Variants in GAB4 observed in about 807,000 individuals in gnomAD.
GAB4 encodes GRB2-associated-binding protein 4.
In GAB4, 26 loss-of-function variants were observed where a neutral mutation model predicts 51.3. The observed-to-expected ratio is 0.51, with a 90% CI of 0.37 to 0.70. The LOEUF (loss-of-function observed/expected upper bound fraction) is 0.70, where lower values mean the gene tolerates loss of function less well. Ranked by LOEUF, GAB4 falls within the 30% of genes least tolerant of loss-of-function variation. GAB4 has a pLI of 0.00. For missense variants in GAB4, 759 were observed against 734.6 expected, an observed-to-expected ratio of 1.03 and a Z score of -0.38; for synonymous variants, 329 against 291.2, an observed-to-expected ratio of 1.13 and a Z score of -1.32.
In GAB4 at chr22:16,964,759, G is replaced by C; in HGVS notation, c.1476+7C>G. 1 of 1,598,180 alleles carries C rather than the reference G, an allele frequency of 6.3e-7. No individual in the cohort carries two copies. Among genetic ancestry groups the C allele is most frequent in the Non-Finnish European group, 8.6e-7 (1 of 1,165,760 alleles). ...TAGGAGCCTTACAGTGACCCCCAAG[G>C]ACTCACCGGGAAAAGATACCTCTCT... On this transcript the variant is annotated splice_region_variant and intron_variant, in intron 8 of 9. Transcript: ENST00000400588.
intron 3 of GAB4, among the ~76,000 whole-genome samples, chr22:16,974,979 C>A (rs2060765072): frequency 6.6e-6 from 1 of 152,172 alleles, no homozygotes; most frequent in Admixed American, 6.5e-5. Flanking sequence ...TGCATTCTGG[C>A]CCAGATACAC....
intron 1 of GAB4, among the ~76,000 whole-genome samples, chr22:17,006,359 G>A (rs879551182): frequency 1.3e-5 from 2 of 152,198 alleles, no homozygotes; most frequent in Non-Finnish European, 2.9e-5. Flanking sequence ...GGAAACAACA[G>A]ATGCTGGAGA....
At chr22:16,974,369 C>T (rs1352413054) in intron 3 of GAB4, among the ~76,000 whole-genome samples, 1 of 152,246 alleles carries the variant, frequency 6.6e-6, no homozygotes, top group Non-Finnish European at 1.5e-5. Flanking sequence ...CATGTTACCC[C>T]TGCATAGCAG....
intron 3 of GAB4, among the ~76,000 whole-genome samples, chr22:16,974,998 T>C (rs760491474): frequency 1.6e-4 from 25 of 152,316 alleles, no homozygotes; most frequent in African/African-American, 3.4e-4. Context: ...ACTTTTCCTA[T>C]GGTCTTCACA....
At chr22:16,986,930 T>G (rs1033566348) in intron 3 of GAB4, among the ~76,000 whole-genome samples, 1 of 152,154 alleles carries the variant, frequency 6.6e-6, no homozygotes, top group Non-Finnish European at 1.5e-5. Flanking sequence ...TGCAGCAAAG[T>G]GTGGGGCAAA....
intron 3 of GAB4, among the ~76,000 whole-genome samples, chr22:16,975,098 G>A (rs1004240453): frequency 5.9e-5 from 9 of 152,180 alleles, no homozygotes; most frequent in Non-Finnish European, 1.0e-4. Context: ...GGCAGACTCC[G>A]AGCTAGCTGT....
intron 1 of GAB4, among the ~76,000 whole-genome samples, chr22:17,003,315 C>T (rs2061012998): frequency 6.6e-6 from 1 of 152,218 alleles, no homozygotes; most frequent in African/African-American, 2.4e-5. Context: ...GAACTCAGCT[C>T]TGGACCAAGT....
At chr22:16,985,065 C>A (rs1205367999) in intron 3 of GAB4, among the ~76,000 whole-genome samples, 1 of 152,182 alleles carries the variant, frequency 6.6e-6, no homozygotes, top group Non-Finnish European at 1.5e-5. Flanking sequence ...GGTAATTGTA[C>A]TTTGTATGTG....
At chr22:16,985,934 A>T (rs2060863650) in intron 3 of GAB4, among the ~76,000 whole-genome samples, 1 of 152,264 alleles carries the variant, frequency 6.6e-6, no homozygotes, top group Non-Finnish European at 1.5e-5. Flanking sequence ...TTAACACAGA[A>T]ATCCATTAAC....
At chr22:16,980,846 C>T (rs1170881985) in intron 3 of GAB4, among the ~76,000 whole-genome samples, 21 of 152,076 alleles carry the variant, frequency 1.4e-4, no homozygotes, top group African/African-American at 1.9e-4. Flanking sequence ...AATGAGTTCA[C>T]GTCCTTTGCA....
chr22:16,993,316 C>T (rs2060927678), intron 1 of GAB4, among the ~76,000 whole-genome samples: 1 of 152,208 alleles, frequency 6.6e-6, no homozygotes, highest in African/African-American at 2.4e-5. Flanking sequence ...ACCACCACCA[C>T]CTGCCCTAAG....
In GAB4 at chr22:16,992,069, G is replaced by A. The variant is rs2123707168; in HGVS notation, c.282C>T (p.Ile94=). The change falls in exon 2 of 10, where the codon ATC becomes ATT. Residue 94 remains isoleucine (I), a synonymous_variant. Coordinates refer to ENST00000400588, the MANE Select transcript of GAB4 (RefSeq NM_001037814.1). The stretch of plus-strand genomic sequence containing the variant: ...CCAGCTGCTCACAGAGGTTCAGGTT[G>A]ATGGTGCGCAGGGGCTTCTTGGAGC... ...NDGSKKPLRT[I]NLNLCEQLDV... 1.9e-6 allele frequency: 3 copies of A among 1,614,210 alleles called. No homozygotes were observed. The highest frequency in any genetic ancestry group is 2.5e-6 in the Non-Finnish European group (3 of 1,180,016).
Position 16,961,974 on chromosome 22 carries a change from G to C in GAB4, c.*759C>G, listed in dbSNP as rs1460343810. The C allele has an allele frequency of 6.6e-6, 1 of 152,350 alleles. No individual in the cohort carries two copies. The highest frequency in any genetic ancestry group is 1.5e-5 in the Non-Finnish European group (1 of 68,130). The allele number at this position is 152,350 out of a possible 1,614,324, so 9.4% of individuals were successfully genotyped here. On this transcript the variant is annotated 3_prime_UTR_variant, in exon 10 of 10. Transcript: ENST00000400588. The stretch of plus-strand genomic sequence containing the variant: ...GATCAAGCCTTCTTAGGCAGGCAAG[G>C]GCCCCCCAAGGGGCATCAGCAAAGA...
At chr22:17,000,791 C>T (rs985279325) in intron 1 of GAB4, among the ~76,000 whole-genome samples, 1 of 152,128 alleles carries the variant, frequency 6.6e-6, no homozygotes, top group African/African-American at 2.4e-5. Flanking sequence ...TTGTCCTTTC[C>T]ATGTTTAGTG....
intron 1 of GAB4, among the ~76,000 whole-genome samples, chr22:17,004,445 C>G (rs2061023193): frequency 6.6e-6 from 1 of 152,126 alleles, no homozygotes; most frequent in Non-Finnish European, 1.5e-5. Context: ...TACTGGCAAA[C>G]CGAACCCAGG....
At chr22:16,988,943 A>G (rs2060891299) in intron 2 of GAB4, among the ~76,000 whole-genome samples, 1 of 152,098 alleles carries the variant, frequency 6.6e-6, no homozygotes, top group Non-Finnish European at 1.5e-5. Flanking sequence ...ACCTGCTCAA[A>G]TATCATATTC....
intron 3 of GAB4, among the ~76,000 whole-genome samples, chr22:16,985,459 T>C (rs1369985204): frequency 6.6e-6 from 1 of 152,268 alleles, no homozygotes; most frequent in Non-Finnish European, 1.5e-5. Context: ...TTCCAGAGTT[T>C]TGATTGTTCT....
At chr22:16,976,052 A>G (rs1287342707) in intron 3 of GAB4, among the ~76,000 whole-genome samples, 1 of 152,246 alleles carries the variant, frequency 6.6e-6, no homozygotes, top group African/African-American at 2.4e-5. Context: ...TCAAAGGTAG[A>G]CAAATTGACG....
chr22:16,967,411 C>G (rs998082896), intron 5 of GAB4: 6 of 152,630 alleles, frequency 3.9e-5, no homozygotes, highest in Admixed American at 6.5e-5. Context: ...CACCTCAAGT[C>G]CTGACTCGGC....
Sources: allele counts gnomAD v4.1 joint callset (sites outside exome capture counted in the v4.1 genomes callset), GRCh38; gene constraint gnomAD v4.1.1; transcripts MANE v1.5; gene names NCBI Gene and HGNC (gene_info 2026-07-23, HGNC 2026-07-21).